Variants in LEPR observed in about 807,000 individuals in gnomAD.
LEPR encodes the protein OB receptor.
LEPR carries 56 observed loss-of-function variants against 114.7 expected under a neutral mutation model. The ratio of observed to expected loss-of-function variants is 0.49; its 90% confidence interval spans 0.39 to 0.61. LEPR has a LOEUF of 0.61. LEPR is among the 20% of genes least tolerant of loss of function. The pLI, the probability that LEPR is intolerant of heterozygous loss-of-function variation, is 0.00. For synonymous variants in LEPR, 443 were observed against 461.4 expected (o/e 0.96, Z 0.51); for missense variants, 1,202 against 1,352.9 (o/e 0.89, Z 1.75).
intron 2 of LEPR, among the ~76,000 whole-genome samples, chr1:65,450,345 A>C (rs1267478018): frequency 6.6e-6 from 1 of 151,336 alleles, no homozygotes; most frequent in East Asian, 1.9e-4. Flanking sequence ...TTACATATGT[A>C]TACATGTGCC....
At position 65,537,839 on chromosome 1, in the gene LEPR, T is replaced by G. The variant is rs2100648266; in HGVS notation, c.-20-27707T>G. ...AAAAATTAATAAATAGCATTAAAGT[T>G]ATTATGACCCTGTAAATGTTGTTTA... On this transcript the variant is annotated intron_variant, in intron 2 of 19. Transcript: ENST00000349533. Among the ~76,000 whole-genome samples the G allele has an allele frequency of 1.3e-5, 2 of 152,336 alleles. 1 individual carries two copies. Among genetic ancestry groups the G allele is most frequent in the South Asian group, 4.1e-4 (2 of 4,834 alleles).
rs6588153 is a variant in LEPR, at chr1:65,626,334, T to A, written c.2673+3353T>A. The A allele has an allele frequency of 0.4, 527,471 of 1,324,242 alleles. 110,365 individuals are homozygous for A. The highest frequency in any genetic ancestry group is 0.87 in the East Asian group (30,124 of 34,806). 82.0% of individuals were successfully genotyped at this position (1,324,242 alleles called of 1,614,324 possible). On this transcript the variant is annotated intron_variant, in intron 19 of 19. Transcript: ENST00000349533. ...ATTAAAGAAATGTGAAGAATTTTTA[T>A]AATACAGTGGGTGTGAATGTTCTTA...
intron 2 of LEPR, among the ~76,000 whole-genome samples, chr1:65,507,921 C>T (rs1570579686): frequency 6.6e-6 from 1 of 152,108 alleles, no homozygotes; most frequent in Admixed American, 6.5e-5. Context: ...TTTTAATATG[C>T]ATTTCTCTGA....
At chr1:65,606,286 A>G (rs1321338624) in intron 11 of LEPR, among the ~76,000 whole-genome samples, 3 of 152,172 alleles carry the variant, frequency 2.0e-5, no homozygotes, top group African/African-American at 7.2e-5. Flanking sequence ...GAACCCTCCT[A>G]CACTCCCCCA....
intron 2 of LEPR, among the ~76,000 whole-genome samples, chr1:65,550,704 T>A (rs1282700092): frequency 6.6e-6 from 1 of 152,160 alleles, no homozygotes; most frequent in Non-Finnish European, 1.5e-5. Context: ...GACCCGATTT[T>A]CCAGGTGCCG....
chr1:65,480,079 A>G (rs1310119273), intron 2 of LEPR, among the ~76,000 whole-genome samples: 1 of 152,184 alleles, frequency 6.6e-6, no homozygotes, highest in Non-Finnish European at 1.5e-5. Flanking sequence ...TCAGTTCTAG[A>G]TTTGAGAAAA....
intron 10 of LEPR, among the ~76,000 whole-genome samples, chr1:65,603,034 G>A (rs1347162964): frequency 6.6e-6 from 1 of 152,066 alleles, no homozygotes; most frequent in Non-Finnish European, 1.5e-5. Context: ...AACATTTACA[G>A]AATAACTATG....
At chr1:65,538,454 G>A (rs139762968) in intron 2 of LEPR, among the ~76,000 whole-genome samples, 24 of 151,802 alleles carry the variant, frequency 1.6e-4, no homozygotes, top group African/African-American at 4.8e-4. Flanking sequence ...TGTTTTTGTC[G>A]TTTTTGGTTT....
At chr1:65,485,852 A>T (rs1049905243) in intron 2 of LEPR, among the ~76,000 whole-genome samples, 2 of 152,112 alleles carry the variant, frequency 1.3e-5, no homozygotes, top group Non-Finnish European at 2.9e-5. Context: ...AAGAATGAGG[A>T]TGGGGAATGA....
intron 5 of LEPR, among the ~76,000 whole-genome samples, chr1:65,590,535 G>C (rs1288697157): frequency 1.3e-5 from 2 of 151,678 alleles, no homozygotes; most frequent in African/African-American, 4.8e-5. Context: ...GAGAGCTGAT[G>C]GTTTTATAAG....
At chr1:65,522,586 AAAGAG>A (rs1362810770) in intron 2 of LEPR, among the ~76,000 whole-genome samples, 1 of 152,214 alleles carries the variant, frequency 6.6e-6, no homozygotes, top group Non-Finnish European at 1.5e-5. Context: ...CATTATTCGT[AAAGAG>A]TTTCAAGAAG....
At chr1:65,635,427 C>T (rs928965827) in intron 19 of LEPR, 3 of 949,624 alleles carry the variant, frequency 3.2e-6, no homozygotes, top group Non-Finnish European at 2.5e-6. Flanking sequence ...ATATGATGTA[C>T]ATTTGTCTTG....
rs191691958 is a variant in LEPR, at chr1:65,621,507, A to T, written c.2597+49A>T. ...CTTTACGGCAAAAGTCCTTACGCGTATTCAAACCCTGATTTAAAACCTTCT... is the reference window on the plus strand; with the variant it reads ...CTTTACGGCAAAAGTCCTTACGCGTTTTCAAACCCTGATTTAAAACCTTCT... On this transcript the variant is annotated intron_variant, in intron 18 of 19. Coordinates refer to ENST00000349533, the MANE Select transcript of LEPR (RefSeq NM_002303.6). 3.1e-5 allele frequency: 46 copies of T among 1,482,312 alleles called. No individual in the cohort carries two copies. In the Admixed American group the frequency reaches 5.9e-4, roughly 19 times the overall value. The allele number at this position is 1,482,312 out of a possible 1,614,324, so 91.8% of individuals were successfully genotyped here. A position where few individuals can be genotyped will look rare whatever the true frequency, so the allele number is the denominator to read the frequency against.
intron 1 of LEPR, chr1:65,421,403 A>G (rs1438613623): frequency 5.9e-6 from 9 of 1,535,938 alleles, no homozygotes; most frequent in Admixed American, 3.9e-5. Flanking sequence ...CCTTATCTGT[A>G]TGGCTTCAGA....
chr1:65,428,011 C>G (rs938663985), intron 2 of LEPR: 3 of 155,540 alleles, frequency 1.9e-5, no homozygotes, highest in African/African-American at 7.2e-5. Flanking sequence ...TGAAATACAG[C>G]CATGCTCATT....
At chr1:65,599,430 T>C (rs1656296644) in intron 8 of LEPR, among the ~76,000 whole-genome samples, 1 of 152,172 alleles carries the variant, frequency 6.6e-6, no homozygotes. Flanking sequence ...GGCAAAATTT[T>C]TCTTGTTCAG....
chr1:65,573,061 G>T (rs1654319823), intron 5 of LEPR, among the ~76,000 whole-genome samples: 1 of 152,134 alleles, frequency 6.6e-6, no homozygotes, highest in East Asian at 1.9e-4. Flanking sequence ...GACAGCTCTG[G>T]TACTCTCTCT....
chr1:65,479,921 A>AAAAC (rs111435639), intron 2 of LEPR, among the ~76,000 whole-genome samples: 29,326 of 151,828 alleles, frequency 0.19, 3,461 homozygotes, highest in African/African-American at 0.33. Context: ...AACAAGACAA[A>AAAAC]AAACAAACAA....
rs1475319450 is a variant in LEPR, at chr1:65,637,214, C to CA, written c.*200dup. 7.8e-6 allele frequency: 4 copies of CA among 514,892 alleles called. No homozygotes were observed. The highest frequency in any genetic ancestry group is 1.3e-5 in the Non-Finnish European group (4 of 298,976). The allele number at this position is 514,892 out of a possible 1,614,324, so 31.9% of individuals were successfully genotyped here. On this transcript the variant is annotated 3_prime_UTR_variant, in exon 20 of 20. Transcript: ENST00000349533. Reference sequence around the variant, plus strand: ...GCCTTCATAAGCCTACCAATGTAGACACGCTCTTCTATTTTATTCCCAAGC... The same window carrying CA: ...GCCTTCATAAGCCTACCAATGTAGACAACGCTCTTCTATTTTATTCCCAAGC...
Sources: gnomAD v4.1 joint callset for allele counts (sites outside exome capture counted in the v4.1 genomes callset) on GRCh38, gnomAD v4.1.1 for gene constraint, MANE v1.5 for transcripts, NCBI Gene and HGNC (gene_info 2026-07-23, HGNC 2026-07-21) for gene names.